Variants in WWOX observed in about 807,000 individuals in gnomAD.
WWOX encodes WW domain-containing oxidoreductase.
WWOX carries 69 observed loss-of-function variants against 46.2 expected under a neutral mutation model. The ratio of observed to expected loss-of-function variants is 1.49; its 90% CI spans 1.23 to 1.82. The LOEUF is 1.82. WWOX is among the 40% of genes most tolerant of loss of function. The probability of loss-of-function intolerance (pLI) is 0.00; values close to 1 mark genes in which losing one functional copy is unlikely to be tolerated. For synonymous variants in WWOX, 359 were observed against 202.6 expected, an observed-to-expected ratio of 1.77 and a Z score of -6.56; for missense variants, 919 against 542.6, an observed-to-expected ratio of 1.69 and a Z score of -6.89.
chr16:78,265,481 C>T (rs1359073165), intron 5 of WWOX, among the ~76,000 whole-genome samples: 1 of 151,722 alleles, frequency 6.6e-6, no homozygotes, highest in Non-Finnish European at 1.5e-5. Flanking sequence ...GAGTTCGAGA[C>T]CAGCCTGACC....
chr16:78,633,281 A>G (rs1181925655), intron 8 of WWOX, among the ~76,000 whole-genome samples: 1 of 152,128 alleles, frequency 6.6e-6, no homozygotes, highest in Non-Finnish European at 1.5e-5. Context: ...CAAAACAAAA[A>G]AACAAGAAGT....
chr16:78,228,475 GGGACCACA>G (rs1431380152), intron 5 of WWOX, among the ~76,000 whole-genome samples: 3 of 151,624 alleles, frequency 2.0e-5, no homozygotes, highest in Non-Finnish European at 4.4e-5. Flanking sequence ...CTGAGCAGCT[GGGACCACA>G]GGTGCTTGCC....
chr16:78,878,901 G>GAAAAAAAAAAAAA (rs111647544), intron 8 of WWOX, among the ~76,000 whole-genome samples: 1 of 86,908 alleles, frequency 1.2e-5, no homozygotes, highest in African/African-American at 4.4e-5. Context: ...ACAAAAAAAT[G>GAAAAAAAAAAAAA]AAAAAAAAAA....
At chr16:78,273,414 C>T (rs1677091849) in intron 5 of WWOX, among the ~76,000 whole-genome samples, 1 of 152,152 alleles carries the variant, frequency 6.6e-6, no homozygotes, top group South Asian at 2.1e-4. Context: ...TCTGTGCGAG[C>T]CTGACCTCCA....
chr16:78,348,245 T>C lies in WWOX; in HGVS notation c.517-38615T>C, dbSNP rs533017578. 1.1e-3 allele frequency among the ~76,000 whole-genome samples: 133 copies of C among 121,318 alleles called. 30 individuals carry two copies. Among genetic ancestry groups the C allele is most frequent in the African/African-American group, 3.7e-3 (131 of 35,776 alleles). The allele number at this position is 121,318 out of a possible 152,430, so 79.6% of individuals were successfully genotyped here. A position where few individuals can be genotyped will look rare whatever the true frequency, so the allele number is the denominator to read the frequency against. ...GAAGAGACTTCATGTACTGTGACTG[T>C]AATAAAGAGGGTTGTAAGTAGAGAA... is the stretch of plus-strand genomic sequence containing the variant. On this transcript the variant is annotated intron_variant, in intron 5 of 8. Coordinates refer to ENST00000566780, the MANE Select transcript of WWOX (RefSeq NM_016373.4).
chr16:78,588,719 G>C (rs923437769), intron 8 of WWOX, among the ~76,000 whole-genome samples: 1 of 152,164 alleles, frequency 6.6e-6, no homozygotes, highest in Non-Finnish European at 1.5e-5. Context: ...CTAAGAGTAT[G>C]TCACTTATTG....
intron 8 of WWOX, among the ~76,000 whole-genome samples, chr16:79,102,795 C>T (rs1407625150): frequency 6.6e-6 from 1 of 152,136 alleles, no homozygotes; most frequent in Non-Finnish European, 1.5e-5. Flanking sequence ...CTCTTTCTAG[C>T]TCACTCCTGC....
chr16:79,060,915 A>C (rs1335422019), intron 8 of WWOX, among the ~76,000 whole-genome samples: 1 of 152,210 alleles, frequency 6.6e-6, no homozygotes, highest in Non-Finnish European at 1.5e-5. Context: ...CCATCCACCC[A>C]AAAGCACTAT....
At chr16:78,656,391 G>C (rs1355792061) in intron 8 of WWOX, among the ~76,000 whole-genome samples, 2 of 152,154 alleles carry the variant, frequency 1.3e-5, no homozygotes, top group Non-Finnish European at 2.9e-5. Context: ...AATGTATAAA[G>C]AAAAGAGGTT....
chr16:79,054,357 A>G (rs1441976760), intron 8 of WWOX, among the ~76,000 whole-genome samples: 1 of 152,186 alleles, frequency 6.6e-6, no homozygotes, highest in Non-Finnish European at 1.5e-5. Flanking sequence ...TATTTCAGGA[A>G]TTTCAAGCTT....
chr16:78,457,588 A>G (rs1002126977), intron 8 of WWOX, among the ~76,000 whole-genome samples: 6 of 151,956 alleles, frequency 3.9e-5, no homozygotes, highest in Non-Finnish European at 8.8e-5. Context: ...CATTTACAAC[A>G]TTTGTGGGGG....
At chr16:78,262,334 T>C (rs1444184670) in intron 5 of WWOX, among the ~76,000 whole-genome samples, 1 of 152,180 alleles carries the variant, frequency 6.6e-6, no homozygotes, top group Non-Finnish European at 1.5e-5. Flanking sequence ...TAAAGTATTC[T>C]GCTATTCTGA....
At chr16:78,772,100 T>C (rs907580698) in intron 8 of WWOX, among the ~76,000 whole-genome samples, 3 of 152,186 alleles carry the variant, frequency 2.0e-5, no homozygotes, top group Non-Finnish European at 4.4e-5. Context: ...ATAGGTAACT[T>C]CATGTCACAA....
chr16:78,533,227 T>G (rs950382791), intron 8 of WWOX, among the ~76,000 whole-genome samples: 5 of 151,858 alleles, frequency 3.3e-5, no homozygotes, highest in Non-Finnish European at 7.4e-5. Flanking sequence ...GGACAGGAGG[T>G]GACTAGATTT....
At chr16:79,013,546 C>A (rs1414616596) in intron 8 of WWOX, among the ~76,000 whole-genome samples, 2 of 152,192 alleles carry the variant, frequency 1.3e-5, no homozygotes, top group African/African-American at 2.4e-5. Flanking sequence ...CAAAAGCACA[C>A]ACAATGATGG....
At chr16:78,519,160 C>A (rs1378482002) in intron 8 of WWOX, among the ~76,000 whole-genome samples, 1 of 152,152 alleles carries the variant, frequency 6.6e-6, no homozygotes, top group Non-Finnish European at 1.5e-5. Context: ...TGGCCCCCGG[C>A]CTCAGGGATC....
chr16:78,137,567 C>T (rs867938234), intron 4 of WWOX, among the ~76,000 whole-genome samples: 17 of 152,232 alleles, frequency 1.1e-4, no homozygotes, highest in Admixed American at 4.6e-4. Context: ...CATATATATG[C>T]CGCCACAGAG....
chr16:79,024,520 G>A (rs547861886), intron 8 of WWOX, among the ~76,000 whole-genome samples: 39 of 152,028 alleles, frequency 2.6e-4, no homozygotes, highest in African/African-American at 4.6e-4. Flanking sequence ...TGCAAGCTCC[G>A]CCTCCCAGGT....
chr16:79,090,239 C>A, intron 8 of WWOX, among the ~76,000 whole-genome samples: 1 of 151,246 alleles, frequency 6.6e-6, no homozygotes. Context: ...GGTTAAGATG[C>A]TAGCCTCGTG....
Sources: allele counts gnomAD v4.1 joint callset (sites outside exome capture counted in the v4.1 genomes callset), GRCh38; gene constraint gnomAD v4.1.1; transcripts MANE v1.5; gene names NCBI Gene and HGNC (gene_info 2026-07-23, HGNC 2026-07-21).